Variants in PLB1 observed in about 807,000 individuals in gnomAD.
The protein encoded by PLB1 is phospholipase B1.
In PLB1, 242 loss-of-function variants were observed where a neutral mutation model predicts 227.4. The observed-to-expected ratio is 1.06, with a 90% confidence interval of 0.96 to 1.18. The LOEUF is 1.18. PLB1 is among the 50% of genes most tolerant of loss of function. The pLI, the probability that PLB1 is intolerant of heterozygous loss-of-function variation, is 0.00. For missense variants in PLB1, 1,858 were observed against 1,816.3 expected (o/e 1.02, Z -0.42); for synonymous variants, 757 against 682.2 (o/e 1.11, Z -1.71).
At chr2:28,613,471 T>G (rs573314629) in intron 43 of PLB1, among the ~76,000 whole-genome samples, 1 of 152,258 alleles carries the variant, frequency 6.6e-6, no homozygotes, top group African/African-American at 2.4e-5. Flanking sequence ...CTGGGGGGAC[T>G]TGGATTCTTG....
chr2:28,559,184 C>T (rs1050672428), intron 17 of PLB1, among the ~76,000 whole-genome samples: 5 of 152,202 alleles, frequency 3.3e-5, no homozygotes, highest in Non-Finnish European at 5.9e-5. Context: ...CTTTGATAAT[C>T]GAGTGTCTCT....
chr2:28,579,741 C>G, intron 23 of PLB1, 34 bp downstream of exon 23: 1 of 1,560,810 alleles, frequency 6.4e-7, no homozygotes, highest in East Asian at 2.2e-5. Context: ...AAGACTCACC[C>G]CCAGAGAAGG....
At chr2:28,515,136 T>G (rs187892298) in intron 1 of PLB1, among the ~76,000 whole-genome samples, 1 of 152,354 alleles carries the variant, frequency 6.6e-6, no homozygotes, top group East Asian at 1.9e-4. Context: ...GTATTTGTGT[T>G]GGCTACCATT....
chr2:28,549,252 G>A (rs1673800152), intron 15 of PLB1, among the ~76,000 whole-genome samples: 1 of 152,110 alleles, frequency 6.6e-6, no homozygotes, highest in South Asian at 2.1e-4. Flanking sequence ...CTCTACCTCA[G>A]AGTGGCAAAG....
At chr2:28,600,692 T>C in intron 35 of PLB1, 117 bp from the exon 36 acceptor site, 1 of 897,860 alleles carries the variant, frequency 1.1e-6, no homozygotes, top group South Asian at 1.5e-5. Context: ...AGCCTCGGGA[T>C]CTCTGCCAGC....
At chr2:28,584,332 C>T (rs1680546840) in intron 25 of PLB1, among the ~76,000 whole-genome samples, 1 of 152,256 alleles carries the variant, frequency 6.6e-6, no homozygotes, top group Admixed American at 6.5e-5. Context: ...TGGAGAAGGC[C>T]TCACGGTGCT....
chr2:28,599,450 G>T (rs1407937422), intron 35 of PLB1, among the ~76,000 whole-genome samples: 1 of 152,176 alleles, frequency 6.6e-6, no homozygotes, highest in Non-Finnish European at 1.5e-5. Context: ...CACTCCCTCA[G>T]CCTGGAAAGA....
chr2:28,620,620 T>C lies in PLB1; in HGVS notation c.3404T>C (p.Leu1135Ser). ...LSWSIGGDGN[L>S]ETHTTLPNIL... ...CCCAGCATTGGAGGGGATGGGAACT[T>C]GGAGACTCACACCACACTGCCCAGT... Residue 1135 changes from leucine (L) to serine (S), a missense_variant, in exon 48 of 58, where the codon TTG (leucine) becomes TCG (serine). Transcript: ENST00000327757. The C allele has an allele frequency of 6.2e-7, 1 of 1,613,856 alleles. No homozygotes were observed. The highest frequency in any genetic ancestry group is 1.1e-5 in the South Asian group (1 of 91,002).
chr2:28,537,658 CAAAAA>C (rs771254945), intron 9 of PLB1, among the ~76,000 whole-genome samples: 42 of 56,238 alleles, frequency 7.5e-4, no homozygotes, highest in Admixed American at 1.7e-3. Context: ...GACTCCATCT[CAAAAA>C]AAAAAAAAAA....
chr2:28,586,089 A>G (rs553182647), intron 26 of PLB1, among the ~76,000 whole-genome samples: 38 of 152,348 alleles, frequency 2.5e-4, no homozygotes, highest in East Asian at 9.7e-4. Context: ...AAATGAAACG[A>G]ACGTTTCCAC....
intron 6 of PLB1, among the ~76,000 whole-genome samples, chr2:28,526,964 T>G (rs1670340028): frequency 6.6e-6 from 1 of 152,044 alleles, no homozygotes; most frequent in East Asian, 1.9e-4. Flanking sequence ...GCCAAAGCGG[T>G]AGGCAGGAGG....
Position 28,589,727 on chromosome 2 carries a change from G to T in PLB1, c.1973G>T (p.Ser658Ile). 6.2e-7 allele frequency: 1 copy of T among 1,614,054 alleles called. No individual in the cohort carries two copies. Among genetic ancestry groups the T allele is most frequent in the South Asian group, 1.1e-5 (1 of 91,086 alleles). The change falls in exon 28 of 58, where the codon AGC becomes ATC. Residue 658 changes from serine (S) to isoleucine (I), a missense_variant. Coordinates refer to ENST00000327757, the MANE Select transcript of PLB1 (RefSeq NM_153021.5). ...FFAPDCFHFS[S>I]KSHSRAASAL... ...GCTCCTGACTGTTTCCACTTCAGCA[G>T]CAAGTCTCACTCCCGAGCAGCCAGT... is the stretch of plus-strand genomic sequence containing the variant.
Position 28,641,108 on chromosome 2 carries a change from G to A in PLB1, c.4173+107G>A, listed in dbSNP as rs527819432. On this transcript the variant is annotated intron_variant, in intron 57 of 57. Coordinates refer to ENST00000327757, the MANE Select transcript of PLB1 (RefSeq NM_153021.5). ...CCCCGGGGATGCTCCCTCAAATGCG[G>A]CTTCACTCACTGCCGTCTTCTCAAA... The A allele has an allele frequency of 3.1e-5, 32 of 1,042,012 alleles. No homozygotes were observed. In the South Asian group the frequency reaches 3.2e-4, roughly 10 times the overall value. 64.5% of individuals were successfully genotyped at this position (1,042,012 alleles called of 1,614,324 possible).
At chr2:28,585,980 A>G (rs751119570) in intron 26 of PLB1, 138 bp downstream of exon 26, 1 of 717,194 alleles carries the variant, frequency 1.4e-6, no homozygotes, top group Non-Finnish European at 2.4e-6. Context: ...ATTTTAAAAC[A>G]CCCTGAGACA....
At chr2:28,532,387 CAAAG>C (rs781485756) in intron 9 of PLB1, among the ~76,000 whole-genome samples, 193 bp downstream of exon 9, 7 of 152,148 alleles carry the variant, frequency 4.6e-5, no homozygotes, top group Admixed American at 6.5e-5. Flanking sequence ...GTCACATACT[CAAAG>C]AAACGTACGC....
chr2:28,616,754 T>G (rs1481967947), intron 44 of PLB1, among the ~76,000 whole-genome samples: 1 of 152,258 alleles, frequency 6.6e-6, no homozygotes, highest in African/African-American at 2.4e-5. Flanking sequence ...ATCAGAATGA[T>G]GAATTGAGCA....
chr2:28,574,016 C>G (rs530502657), intron 21 of PLB1, among the ~76,000 whole-genome samples: 1 of 152,260 alleles, frequency 6.6e-6, no homozygotes, highest in Non-Finnish European at 1.5e-5. Flanking sequence ...AGGCCGGTCC[C>G]CAAGAGTGGG....
At chr2:28,499,031 A>T (rs988955772) in intron 1 of PLB1, among the ~76,000 whole-genome samples, 2 of 152,182 alleles carry the variant, frequency 1.3e-5, no homozygotes, top group South Asian at 2.1e-4. Flanking sequence ...GCAGGCATGG[A>T]CATATTTTGT....
In PLB1 at chr2:28,548,946, G is replaced by A; in HGVS notation, c.1008+15G>A. ...GTCCCTCTCAGGTAGGAGGGACTGG[G>A]CAGAGGAGGGACTCTTATTGAATCG... On this transcript the variant is annotated intron_variant, in intron 15 of 57. Coordinates refer to ENST00000327757, the MANE Select transcript of PLB1 (RefSeq NM_153021.5). 1 of 1,612,536 alleles carries A rather than the reference G, an allele frequency of 6.2e-7. No homozygotes were observed.
Sources: allele counts gnomAD v4.1 joint callset (sites outside exome capture counted in the v4.1 genomes callset), GRCh38; gene constraint gnomAD v4.1.1; transcripts MANE v1.5; gene names NCBI Gene and HGNC (gene_info 2026-07-23, HGNC 2026-07-21).